CNTN4: variants seen among roughly 807,000 people sequenced by gnomAD.
The protein encoded by CNTN4 is contactin 4, also known as contactin-4.
CNTN4 carries 77 observed loss-of-function variants against 122.5 expected under a neutral mutation model. The observed-to-expected ratio is 0.63, with a 90% confidence interval of 0.52 to 0.76. The LOEUF (loss-of-function observed/expected upper bound fraction) is 0.76, where lower values mean the gene tolerates loss of function less well. Among genes scored for constraint, CNTN4 ranks in the 30% least tolerant of loss-of-function variants. The pLI is 0.00. For missense variants in CNTN4, 1,256 were observed against 1,259.1 expected, an observed-to-expected ratio of 1.00 and a Z score of 0.04; for synonymous variants, 512 against 447.0, an observed-to-expected ratio of 1.15 and a Z score of -1.83.
chr3:2,246,500 T>C (rs2040157351), intron 2 of CNTN4, among the ~76,000 whole-genome samples: 1 of 152,044 alleles, frequency 6.6e-6, no homozygotes, highest in Non-Finnish European at 1.5e-5. Flanking sequence ...TGCTGGCCCA[T>C]AGCTGTGCTG....
intron 13 of CNTN4, among the ~76,000 whole-genome samples, chr3:2,936,817 C>A (rs1269236493): frequency 6.6e-6 from 1 of 152,180 alleles, no homozygotes; most frequent in Non-Finnish European, 1.5e-5. Flanking sequence ...AAAGAAAAAT[C>A]TCATTTTGTG....
chr3:2,838,411 T>C (rs980266884), intron 7 of CNTN4, among the ~76,000 whole-genome samples: 1 of 152,158 alleles, frequency 6.6e-6, no homozygotes, highest in South Asian at 2.1e-4. Flanking sequence ...CACATTCCTA[T>C]TCCAATAGAA....
chr3:2,714,360 G>C (rs1225344858), intron 4 of CNTN4, among the ~76,000 whole-genome samples: 1 of 152,128 alleles, frequency 6.6e-6, no homozygotes, highest in African/African-American at 2.4e-5. Context: ...ATACTGTTCT[G>C]TAGAAAAATC....
At chr3:3,049,544 T>A (rs974357592) in intron 23 of CNTN4, among the ~76,000 whole-genome samples, 1 of 152,214 alleles carries the variant, frequency 6.6e-6, no homozygotes, top group Admixed American at 6.5e-5. Flanking sequence ...AGTTCTACAT[T>A]TAGCCACTTG....
At chr3:2,199,861 C>T (rs938330037) in intron 2 of CNTN4, among the ~76,000 whole-genome samples, 3 of 152,064 alleles carry the variant, frequency 2.0e-5, no homozygotes, top group South Asian at 2.1e-4. Flanking sequence ...AGGTTAAGGA[C>T]GTTCTTAACA....
chr3:2,711,933 A>C (rs2087175271), intron 4 of CNTN4, among the ~76,000 whole-genome samples: 2 of 152,218 alleles, frequency 1.3e-5, no homozygotes, highest in Admixed American at 1.3e-4. Context: ...AATATGCAAC[A>C]ATTTTTTTAA....
At chr3:2,793,419 C>G (rs903826613) in intron 6 of CNTN4, among the ~76,000 whole-genome samples, 3 of 152,086 alleles carry the variant, frequency 2.0e-5, no homozygotes, top group African/African-American at 7.2e-5. Context: ...TTACCCACAA[C>G]CACTTGGTTT....
At chr3:2,991,053 G>A (rs1695009097) in intron 14 of CNTN4, among the ~76,000 whole-genome samples, 1 of 152,172 alleles carries the variant, frequency 6.6e-6, no homozygotes, top group African/African-American at 2.4e-5. Context: ...AAAAAATCAT[G>A]AAGATGGTAT....
chr3:2,799,448 G>GT (rs1377389412), intron 6 of CNTN4, among the ~76,000 whole-genome samples: 1 of 152,040 alleles, frequency 6.6e-6, no homozygotes, highest in Non-Finnish European at 1.5e-5. Context: ...TTTTCTTCTA[G>GT]TATTTTTACA....
chr3:2,398,475 T>C (rs753441960), intron 3 of CNTN4, among the ~76,000 whole-genome samples: 5 of 152,290 alleles, frequency 3.3e-5, no homozygotes, highest in Non-Finnish European at 7.4e-5. Context: ...AAAAAATTAA[T>C]ACTTTTCCAA....
rs115015986 is a variant in CNTN4, at chr3:2,437,607, A to C, written c.-89+98374A>C. Reference sequence around the variant, plus strand: ...TTTAACATGCAAAAGTATCCTTTCTATATTGATTAAAAGATAGATATACAA... The same window carrying C: ...TTTAACATGCAAAAGTATCCTTTCTCTATTGATTAAAAGATAGATATACAA... On this transcript the variant is annotated intron_variant, in intron 3 of 24. Coordinates refer to ENST00000418658, the MANE Select transcript of CNTN4 (RefSeq NM_175607.3). Among the ~76,000 whole-genome samples, 821 of 152,322 alleles carry C rather than the reference A, an allele frequency of 5.4e-3. 5 individuals are homozygous for C. Among genetic ancestry groups the C allele is most frequent in the African/African-American group, 0.015 (625 of 41,572 alleles).
intron 4 of CNTN4, among the ~76,000 whole-genome samples, chr3:2,574,101 A>G (rs901806268): frequency 2.0e-5 from 3 of 152,170 alleles, no homozygotes; most frequent in African/African-American, 7.2e-5. Flanking sequence ...CTGTAATCCC[A>G]GCTACTTGGG....
chr3:2,928,526 C>G (rs898522645), intron 13 of CNTN4, among the ~76,000 whole-genome samples: 1 of 152,176 alleles, frequency 6.6e-6, no homozygotes, highest in Non-Finnish European at 1.5e-5. Context: ...TTTGACTACA[C>G]AGCTTTGAGT....
rs150043814 is a variant in CNTN4 at position 2,503,470 on chromosome 3, G to A, written c.-88-67946G>A. ...TCATTGAGTGCTTAGTGTGCCAGGC[G>A]TCTTTAAGAGCTTTACATGATTTAG... is the stretch of plus-strand genomic sequence containing the variant. On this transcript the variant is annotated intron_variant, in intron 3 of 24. Transcript: ENST00000418658. Among the ~76,000 whole-genome samples the A allele has an allele frequency of 3.3e-3, 495 of 152,188 alleles. 3 individuals are homozygous for A. The highest frequency in any genetic ancestry group is 0.011 in the African/African-American group (474 of 41,540).
At chr3:2,940,814 A>T (rs141283459) in intron 13 of CNTN4, among the ~76,000 whole-genome samples, 55 of 152,286 alleles carry the variant, frequency 3.6e-4, no homozygotes, top group African/African-American at 1.3e-3. Flanking sequence ...TCATCTTCTG[A>T]AAGTCTGGTC....
In CNTN4 at chr3:2,549,427, C is replaced by T. The variant is rs545830800; in HGVS notation, c.-88-21989C>T. Among the ~76,000 whole-genome samples the T allele has an allele frequency of 7.2e-5, 11 of 152,112 alleles. No homozygotes were observed. In the South Asian group the frequency reaches 1.0e-3, roughly 14 times the overall value. On this transcript the variant is annotated intron_variant, in intron 3 of 24. Transcript: ENST00000418658. ...AGCATGAAGAGGTGTTGAATTTTATCGAGAACTTTTCTGCATCTATTGAGA... is the reference window on the plus strand; with the variant it reads ...AGCATGAAGAGGTGTTGAATTTTATTGAGAACTTTTCTGCATCTATTGAGA...
intron 4 of CNTN4, among the ~76,000 whole-genome samples, chr3:2,627,289 G>A (rs2082228596): frequency 6.6e-6 from 1 of 152,134 alleles, no homozygotes; most frequent in South Asian, 2.1e-4. Flanking sequence ...CATTAAGTTG[G>A]AAGGCACTCA....
intron 2 of CNTN4, among the ~76,000 whole-genome samples, chr3:2,183,015 C>T (rs1216718940): frequency 3.3e-5 from 5 of 152,034 alleles, no homozygotes; most frequent in African/African-American, 1.2e-4. Context: ...AAAATTTTAG[C>T]TCTAACTCAT....
At chr3:2,449,546 C>T (rs983980158) in intron 3 of CNTN4, among the ~76,000 whole-genome samples, 11 of 147,956 alleles carry the variant, frequency 7.4e-5, no homozygotes, top group Admixed American at 2.1e-4. Context: ...ACCCAGGAGG[C>T]GGAGGTTGCA....
Sources: gnomAD v4.1 joint callset for allele counts (sites outside exome capture counted in the v4.1 genomes callset) on GRCh38, gnomAD v4.1.1 for gene constraint, MANE v1.5 for transcripts, NCBI Gene and HGNC (gene_info 2026-07-23, HGNC 2026-07-21) for gene names.